PLCH1: variants seen among roughly 807,000 people sequenced by gnomAD.
PLCH1 encodes phospholipase C eta 1.
In PLCH1, 60 loss-of-function variants were observed where a neutral mutation model predicts 126.7. The observed-to-expected ratio is 0.47, with a 90% CI of 0.38 to 0.59. The LOEUF (loss-of-function observed/expected upper bound fraction) is 0.59. Among genes scored for constraint, PLCH1 ranks in the 20% least tolerant of loss-of-function variants. The probability of loss-of-function intolerance (pLI) is 0.00; values close to 1 mark genes in which losing one functional copy is unlikely to be tolerated. For synonymous variants in PLCH1, 719 were observed against 734.9 expected (o/e 0.98, Z 0.35); for missense variants, 1,723 against 2,040.0 (o/e 0.84, Z 2.99).
intron 14 of PLCH1, among the ~76,000 whole-genome samples, chr3:155,498,362 A>G (rs1192421980): frequency 2.0e-5 from 3 of 152,234 alleles, no homozygotes. Flanking sequence ...GTTCACTACC[A>G]TCTGTGGTTT....
Position 155,603,670 on chromosome 3 carries a change from G to T in PLCH1, c.80-7292C>A, listed in dbSNP as rs2108688202. On this transcript the variant is annotated intron_variant, in intron 2 of 22. Transcript: ENST00000460012. The stretch of plus-strand genomic sequence containing the variant: ...AACAGCTGATCTAGCTTCCATAAAT[G>T]TTATTTTATCTTTCAATGAGAAAAA... Among the ~76,000 whole-genome samples, 3 of 152,152 alleles carry T rather than the reference G, an allele frequency of 2.0e-5. No homozygotes were observed. In the South Asian group the frequency reaches 6.2e-4, roughly 32 times the overall value.
intron 15 of PLCH1, 21 bp from the exon 16 acceptor site, chr3:155,494,538 A>AG: frequency 1.2e-6 from 2 of 1,601,582 alleles, no homozygotes; most frequent in Middle Eastern, 1.7e-4. Flanking sequence ...TTAATCGAGA[A>AG]AAAAGGAAGT....
chr3:155,708,558 C>T (rs890030823), intron 1 of PLCH1, among the ~76,000 whole-genome samples: 1 of 152,156 alleles, frequency 6.6e-6, no homozygotes, highest in African/African-American at 2.4e-5. Context: ...TTCATGGCCC[C>T]GTTTGTGTGA....
chr3:155,593,846 A>C (rs116432020), intron 4 of PLCH1, 95 bp downstream of exon 4: 6 of 1,297,702 alleles, frequency 4.6e-6, no homozygotes, highest in Non-Finnish European at 5.3e-6. Context: ...AATTATGGGA[A>C]AAATTAAAAC....
At chr3:155,606,898 GTGCC>G (rs1028359218) in intron 2 of PLCH1, among the ~76,000 whole-genome samples, 5 of 152,132 alleles carry the variant, frequency 3.3e-5, no homozygotes, top group Admixed American at 3.3e-4. Context: ...CCTTCCAGTT[GTGCC>G]TGCTTATTAT....
intron 5 of PLCH1, 61 bp downstream of exon 5, chr3:155,586,004 C>A: frequency 7.0e-7 from 1 of 1,436,736 alleles, no homozygotes. Flanking sequence ...TTTAATATAC[C>A]TAAGTATGTT....
chr3:155,671,188 T>A (rs772046645), intron 2 of PLCH1, among the ~76,000 whole-genome samples: 2 of 152,206 alleles, frequency 1.3e-5, no homozygotes, highest in Non-Finnish European at 1.5e-5. Context: ...CTAGAGCAAG[T>A]TCTTTTCTCT....
intron 2 of PLCH1, among the ~76,000 whole-genome samples, chr3:155,650,876 A>G (rs1740630615): frequency 6.6e-6 from 1 of 152,158 alleles, no homozygotes; most frequent in African/African-American, 2.4e-5. Context: ...CATCTCTACT[A>G]AAAATATAAA....
At chr3:155,740,715 G>A (rs1304067990) in intron 1 of PLCH1, among the ~76,000 whole-genome samples, 1 of 152,124 alleles carries the variant, frequency 6.6e-6, no homozygotes, top group East Asian at 1.9e-4. Flanking sequence ...AAAAAATAAA[G>A]CAAGGATTCA....
chr3:155,743,784 C>G, intron 1 of PLCH1: 1 of 286,402 alleles, frequency 3.5e-6, no homozygotes, highest in South Asian at 2.9e-5. Flanking sequence ...CTGGGTTGTA[C>G]AAGCTCTGCT....
In PLCH1 at chr3:155,480,689, G is replaced by A. The variant is rs900469285; in HGVS notation, c.*279C>T. 10 of 330,008 alleles carry A rather than the reference G, an allele frequency of 3.0e-5. No homozygotes were observed. The highest frequency in any genetic ancestry group is 5.0e-5 in the Non-Finnish European group (9 of 180,266). 20.4% of individuals were successfully genotyped at this position (330,008 alleles called of 1,614,324 possible). A position where few individuals can be genotyped will look rare whatever the true frequency, so the allele number is the denominator to read the frequency against. On this transcript the variant is annotated 3_prime_UTR_variant, in exon 23 of 23. Coordinates refer to ENST00000460012, the MANE Select transcript of PLCH1 (RefSeq NM_014996.4). ...GTGAAACACACACACATTATAACCC[G>A]AGCTGCTGAGGAGTTTCACATCTAG...
rs148977828 is a variant in PLCH1 at position 155,641,630 on chromosome 3, G to A, written c.80-45252C>T. Among the ~76,000 whole-genome samples the A allele has an allele frequency of 1.4e-3, 209 of 152,154 alleles. 1 individual carries two copies. The highest frequency in any genetic ancestry group is 4.8e-3 in the African/African-American group (201 of 41,510). On this transcript the variant is annotated intron_variant, in intron 2 of 22. Transcript: ENST00000460012. ...ACACAAAGAATGACAAATGTTTAAG[G>A]TGACAAATATCCAAGTACCCTGATT...
chr3:155,605,242 T>C (rs1213819331), intron 2 of PLCH1, among the ~76,000 whole-genome samples: 1 of 152,152 alleles, frequency 6.6e-6, no homozygotes, highest in African/African-American at 2.4e-5. Context: ...ACACTCTTAG[T>C]CCAAATGTGT....
At chr3:155,735,732 C>T (rs1749134061) in intron 1 of PLCH1, among the ~76,000 whole-genome samples, 2 of 151,634 alleles carry the variant, frequency 1.3e-5, no homozygotes, top group African/African-American at 4.9e-5. Flanking sequence ...TAAATTAGCT[C>T]GATTTACCCA....
chr3:155,572,647 T>C (rs1268433633), intron 6 of PLCH1, among the ~76,000 whole-genome samples: 1 of 152,102 alleles, frequency 6.6e-6, no homozygotes, highest in Non-Finnish European at 1.5e-5. Flanking sequence ...TATTTTTTTC[T>C]ATTTCTTTTT....
At chr3:155,520,149 T>G (rs1014631844) in intron 11 of PLCH1, among the ~76,000 whole-genome samples, 7 of 152,240 alleles carry the variant, frequency 4.6e-5, no homozygotes, top group Non-Finnish European at 8.8e-5. Context: ...CAGGATGTAC[T>G]AGCATGCCCA....
At chr3:155,698,454 G>A (rs931947563) in intron 2 of PLCH1, among the ~76,000 whole-genome samples, 6 of 152,100 alleles carry the variant, frequency 3.9e-5, no homozygotes, top group Non-Finnish European at 7.4e-5. Flanking sequence ...CTTTTGTAAG[G>A]CCTGAATGGA....
intron 2 of PLCH1, among the ~76,000 whole-genome samples, chr3:155,688,730 T>C (rs1043028334): frequency 2.0e-5 from 3 of 152,044 alleles, no homozygotes; most frequent in African/African-American, 7.2e-5. Context: ...CCTTGGACTT[T>C]AAGTGAACAC....
intron 2 of PLCH1, among the ~76,000 whole-genome samples, chr3:155,672,026 T>A (rs1446393638): frequency 6.6e-6 from 1 of 152,124 alleles, no homozygotes; most frequent in Non-Finnish European, 1.5e-5. Flanking sequence ...CAATACCGAC[T>A]AAAATCATAA....
Sources: allele counts gnomAD v4.1 joint callset (sites outside exome capture counted in the v4.1 genomes callset), GRCh38; gene constraint gnomAD v4.1.1; transcripts MANE v1.5; gene names NCBI Gene and HGNC (gene_info 2026-07-23, HGNC 2026-07-21).